Variants in RAPGEF1 observed in about 807,000 individuals in gnomAD.
RAPGEF1 encodes the protein Rap guanine nucleotide exchange factor 1.
RAPGEF1 carries 33 observed loss-of-function variants against 143.3 expected under a neutral mutation model. The ratio of observed to expected loss-of-function variants is 0.23; its 90% CI spans 0.17 to 0.31. The LOEUF (loss-of-function observed/expected upper bound fraction) is 0.31, where lower values mean the gene tolerates loss of function less well. RAPGEF1 is among the 10% of genes least tolerant of loss of function. The probability of loss-of-function intolerance (pLI) is 1.00; values close to 1 mark genes in which losing one functional copy is unlikely to be tolerated. For synonymous variants in RAPGEF1, 629 were observed against 676.5 expected (o/e 0.93, Z 1.09); for missense variants, 1,199 against 1,645.4 (o/e 0.73, Z 4.69).
chr9:131,630,093 C>CA (rs1311711985), intron 6 of RAPGEF1, 143 bp downstream of exon 6: 2 of 669,202 alleles, frequency 3.0e-6, no homozygotes, highest in African/African-American at 3.6e-5. Context: ...GAAATATACA[C>CA]ACACTGCTAA....
At chr9:131,704,807 GTGCC>G (rs1834928479) in intron 1 of RAPGEF1, among the ~76,000 whole-genome samples, 1 of 152,114 alleles carries the variant, frequency 6.6e-6, no homozygotes, top group South Asian at 2.1e-4. Flanking sequence ...GTCAGGCAGG[GTGCC>G]TGCCTGCCTG....
intron 1 of RAPGEF1, among the ~76,000 whole-genome samples, chr9:131,726,428 A>T (rs144771422): frequency 1.2e-4 from 19 of 152,178 alleles, no homozygotes; most frequent in African/African-American, 4.3e-4. Flanking sequence ...TGCATTCGAG[A>T]CCATCCTGGC....
At chr9:131,615,666 T>C (rs1427279697) in intron 12 of RAPGEF1, among the ~76,000 whole-genome samples, 4 of 152,126 alleles carry the variant, frequency 2.6e-5, no homozygotes, top group Non-Finnish European at 5.9e-5. Flanking sequence ...TTATTCTAAG[T>C]GTTTACATTT....
intron 18 of RAPGEF1, among the ~76,000 whole-genome samples, chr9:131,591,304 G>A (rs904532187): frequency 1.3e-5 from 2 of 152,210 alleles, no homozygotes; most frequent in Non-Finnish European, 2.9e-5. Flanking sequence ...GCGGGGGCGC[G>A]GGTGGACTCA....
chr9:131,725,835 T>C (rs1219908840), intron 1 of RAPGEF1, among the ~76,000 whole-genome samples: 2 of 149,400 alleles, frequency 1.3e-5, no homozygotes, highest in Non-Finnish European at 3.0e-5. Context: ...CTCGGCTCAC[T>C]GCAAGCTCCA....
chr9:131,620,557 T>TCTGA (rs1371837436), intron 11 of RAPGEF1, among the ~76,000 whole-genome samples: 1 of 152,116 alleles, frequency 6.6e-6, no homozygotes, highest in Non-Finnish European at 1.5e-5. Context: ...CAGGTGAGGA[T>TCTGA]CTGAGACTCT....
intron 1 of RAPGEF1, among the ~76,000 whole-genome samples, chr9:131,656,263 T>G (rs1209180376): frequency 6.6e-6 from 1 of 152,236 alleles, no homozygotes; most frequent in African/African-American, 2.4e-5. Flanking sequence ...TTCTCTTCCT[T>G]TGGCACTGAA....
At chr9:131,634,041 C>T (rs1358403998) in intron 5 of RAPGEF1, among the ~76,000 whole-genome samples, 1 of 152,212 alleles carries the variant, frequency 6.6e-6, no homozygotes, top group Non-Finnish European at 1.5e-5. Context: ...GCAAGTGAAT[C>T]ACTTGAGCCC....
intron 1 of RAPGEF1, among the ~76,000 whole-genome samples, chr9:131,654,751 T>C (rs1404686479): frequency 1.3e-5 from 2 of 152,252 alleles, no homozygotes; most frequent in Middle Eastern, 3.4e-3. Flanking sequence ...TTCATGCCTG[T>C]TTTCCCAGTG....
At chr9:131,588,652 C>T (rs1388939800) in intron 20 of RAPGEF1, 149 bp downstream of exon 20, 1 of 819,082 alleles carries the variant, frequency 1.2e-6, no homozygotes, top group East Asian at 2.7e-5. Context: ...GCCCAGCCCC[C>T]AGGGATCCAC....
rs748787772 is a variant in RAPGEF1, at chr9:131,589,000, G to A, written c.2868-14C>T. On this transcript the variant is annotated splice_polypyrimidine_tract_variant and intron_variant, in intron 19 of 26. Transcript: ENST00000683357. ...AACTCCACCAGGCTGAAGGACAAAA[G>A]AGCACAAGGTGAGGAGCAGGAACGC... 13 of 1,610,468 alleles carry A rather than the reference G, an allele frequency of 8.1e-6. No individual in the cohort carries two copies. The African/African-American group carries it at 9.4e-5, about 12-fold the overall frequency.
chr9:131,602,878 G>A (rs1239187830), intron 14 of RAPGEF1, among the ~76,000 whole-genome samples: 1 of 152,228 alleles, frequency 6.6e-6, no homozygotes, highest in African/African-American at 2.4e-5. Context: ...GAGAACTGGG[G>A]CAGGACAAAT....
intron 5 of RAPGEF1, among the ~76,000 whole-genome samples, chr9:131,637,228 GA>G (rs772570490): frequency 0.031 from 3,867 of 125,296 alleles, 155 homozygotes; most frequent in African/African-American, 0.1. Context: ...CCGTCTCAGA[GA>G]AAAAAAAAAA....
chr9:131,621,421 T>G lies in RAPGEF1; in HGVS notation c.1905+375A>C, dbSNP rs1329425135. ...AGATGGCTGTGCACAGACCATGTCC[T>G]GTGCTTTGATTGAGTCCCTCCTTTC... On this transcript the variant is annotated intron_variant, in intron 11 of 26. Coordinates refer to ENST00000683357, the MANE Select transcript of RAPGEF1 (RefSeq NM_001377935.1). The surrounding 1 kb of genome is among the most constrained non-coding windows in gnomAD (Gnocchi z 4.5). Among the ~76,000 whole-genome samples the G allele has an allele frequency of 6.6e-6, 1 of 152,218 alleles. No homozygotes were observed. The highest frequency in any genetic ancestry group is 2.4e-5 in the African/African-American group (1 of 41,460).
intron 17 of RAPGEF1, 45 bp downstream of exon 17, chr9:131,596,253 C>T (rs1222381170): frequency 9.5e-6 from 15 of 1,577,814 alleles, no homozygotes; most frequent in African/African-American, 5.4e-5. Flanking sequence ...GAGTGGCACC[C>T]GGGGCAGGAC....
At chr9:131,680,432 G>A (rs374244345) in intron 1 of RAPGEF1, among the ~76,000 whole-genome samples, 40 of 152,304 alleles carry the variant, frequency 2.6e-4, no homozygotes, top group South Asian at 1.9e-3. Flanking sequence ...GGTCATAAAC[G>A]GAATCTCTGC....
intron 12 of RAPGEF1, among the ~76,000 whole-genome samples, chr9:131,610,986 C>G (rs532237044): frequency 1.4e-4 from 21 of 152,230 alleles, no homozygotes; most frequent in Non-Finnish European, 2.2e-4. Flanking sequence ...TCTTTCCTTA[C>G]GGTCCCAATT....
In RAPGEF1 at chr9:131,655,709, C is replaced by T. The variant is rs569434454; in HGVS notation, c.62-4760G>A. Among the ~76,000 whole-genome samples the T allele has an allele frequency of 8.5e-5, 13 of 152,124 alleles. No homozygotes were observed. In the South Asian group the frequency reaches 2.5e-3, roughly 29 times the overall value. On this transcript the variant is annotated intron_variant, in intron 1 of 26. Transcript: ENST00000683357. This position sits in a 1 kb window ranked among gnomAD's most constrained non-coding sequence, Gnocchi z 4.1. ...AGGCAGAGCATGCAGTGCAAGATTG[C>T]ACCACTGCACTCCAGCCTGGGCGAC... is the stretch of plus-strand genomic sequence containing the variant.
intron 1 of RAPGEF1, among the ~76,000 whole-genome samples, chr9:131,678,148 G>A (rs11243471): frequency 0.097 from 14,774 of 152,228 alleles, 1,082 homozygotes; most frequent in African/African-American, 0.2. Flanking sequence ...TAAGCACACA[G>A]CAAATGAGAC....
Sources: gnomAD v4.1 joint callset for allele counts (sites outside exome capture counted in the v4.1 genomes callset) on GRCh38, gnomAD v4.1.1 for gene constraint, Gnocchi (gnomAD v3.1) non-coding constraint, MANE v1.5 for transcripts, NCBI Gene and HGNC (gene_info 2026-07-23, HGNC 2026-07-21) for gene names.